The following GPC5 variants were observed in gnomAD, a reference collection of about 807,000 sequenced individuals.
The protein encoded by GPC5 is glypican 5.
GPC5 carries 47 observed loss-of-function variants against 53.9 expected under a neutral mutation model. The ratio of observed to expected loss-of-function variants is 0.87; its 90% confidence interval spans 0.69 to 1.11. GPC5 has a LOEUF of 1.11. GPC5 is among the 50% of genes most tolerant of loss of function. The probability of loss-of-function intolerance (pLI) is 0.00; values close to 1 mark genes in which losing one functional copy is unlikely to be tolerated. For synonymous variants in GPC5, 286 were observed against 263.3 expected, an observed-to-expected ratio of 1.09 and a Z score of -0.84; for missense variants, 748 against 713.1, an observed-to-expected ratio of 1.05 and a Z score of -0.56.
intron 7 of GPC5, among the ~76,000 whole-genome samples, chr13:92,839,479 ATG>A (rs943418709): frequency 4.0e-5 from 6 of 151,896 alleles, no homozygotes; most frequent in Non-Finnish European, 8.8e-5. Flanking sequence ...ACAGGCCCCA[ATG>A]TGTGTTGTTC....
At chr13:91,708,273 G>GTT (rs1018672208) in intron 3 of GPC5, among the ~76,000 whole-genome samples, 2 of 147,006 alleles carry the variant, frequency 1.4e-5, no homozygotes, top group African/African-American at 5.0e-5. Flanking sequence ...TTTTGTTTTT[G>GTT]TTTTTTTTTT....
At chr13:91,661,927 A>G (rs75902826) in intron 2 of GPC5, among the ~76,000 whole-genome samples, 6 of 152,312 alleles carry the variant, frequency 3.9e-5, no homozygotes, top group Non-Finnish European at 7.4e-5. Flanking sequence ...AGTTGTCAGC[A>G]ATGAACTGGC....
At chr13:92,405,913 TG>T (rs935391397) in intron 7 of GPC5, among the ~76,000 whole-genome samples, 1 of 152,212 alleles carries the variant, frequency 6.6e-6, no homozygotes, top group African/African-American at 2.4e-5. Context: ...TATTCTTCTG[TG>T]GTATCCTTCC....
intron 7 of GPC5, among the ~76,000 whole-genome samples, chr13:92,577,315 G>T (rs1167948590): frequency 6.6e-6 from 1 of 152,008 alleles, no homozygotes; most frequent in Non-Finnish European, 1.5e-5. Context: ...GTCCAGAGTT[G>T]GCAAGCTATT....
chr13:92,355,916 C>T (rs1016224575), intron 7 of GPC5, among the ~76,000 whole-genome samples: 25 of 143,708 alleles, frequency 1.7e-4, no homozygotes, highest in Non-Finnish European at 3.0e-4. Flanking sequence ...AATTGCTTTC[C>T]TCGTTTTCCT....
chr13:91,436,331 T>C (rs1359433942), intron 1 of GPC5, among the ~76,000 whole-genome samples: 1 of 151,934 alleles, frequency 6.6e-6, no homozygotes, highest in South Asian at 2.1e-4. Flanking sequence ...TTTAGTGCTA[T>C]AAATTTCCCT....
intron 7 of GPC5, among the ~76,000 whole-genome samples, chr13:92,368,508 G>T (rs1050584964): frequency 6.6e-6 from 1 of 151,200 alleles, no homozygotes; most frequent in Non-Finnish European, 1.5e-5. Context: ...GCCCGGCATT[G>T]TGGCAGGCAC....
chr13:92,329,026 T>C lies in GPC5; in HGVS notation c.1561+184037T>C, dbSNP rs552217324. Among the ~76,000 whole-genome samples the C allele has an allele frequency of 2.0e-5, 3 of 152,270 alleles. No homozygotes were observed. The South Asian group carries it at 6.2e-4, about 32-fold the overall frequency. On this transcript the variant is annotated intron_variant, in intron 7 of 7. Transcript: ENST00000377067. Reference sequence around the variant, plus strand: ...CTCTACTGGCTTATGCCACAAACTATGTCAGGGCTTATGACCTTAAATTTC... The same window carrying C: ...CTCTACTGGCTTATGCCACAAACTACGTCAGGGCTTATGACCTTAAATTTC...
chr13:91,806,141 T>A (rs1428750167), intron 5 of GPC5, among the ~76,000 whole-genome samples: 1 of 148,976 alleles, frequency 6.7e-6, no homozygotes, highest in Non-Finnish European at 1.5e-5. Context: ...ATTCAAGCGG[T>A]TCTCATACCT....
chr13:91,419,009 C>T (rs1226294571), intron 1 of GPC5, among the ~76,000 whole-genome samples: 1 of 151,884 alleles, frequency 6.6e-6, no homozygotes, highest in East Asian at 1.9e-4. Context: ...TTTGAATGAC[C>T]TTAATTATAT....
chr13:91,944,144 G>A (rs1357885885), intron 6 of GPC5, among the ~76,000 whole-genome samples: 1 of 151,624 alleles, frequency 6.6e-6, no homozygotes, highest in East Asian at 1.9e-4. Flanking sequence ...CGCCCAGGCT[G>A]GAGTGCAGTG....
rs1466380733 is a variant in GPC5, at chr13:92,091,764, A to G, written c.1402-53066A>G. 1.9e-3 allele frequency among the ~76,000 whole-genome samples: 208 copies of G among 108,610 alleles called. 3 individuals carry two copies. The Admixed American group carries it at 0.021, about 11-fold the overall frequency. The allele number at this position is 108,610 out of a possible 152,430, so 71.3% of individuals were successfully genotyped here. A position where few individuals can be genotyped will look rare whatever the true frequency, so the allele number is the denominator to read the frequency against. On this transcript the variant is annotated intron_variant, in intron 6 of 7. Transcript: ENST00000377067. ...TCAAGAATTTCACCCCCCCACAGTG[A>G]AAAAAAAAAAAAAAAACAATGTGAA...
intron 7 of GPC5, among the ~76,000 whole-genome samples, chr13:92,833,079 C>T (rs1878104430): frequency 6.6e-6 from 1 of 152,040 alleles, no homozygotes; most frequent in African/African-American, 2.4e-5. Context: ...GAAGTAGAGA[C>T]TACTGGAAAT....
At chr13:92,684,777 T>A (rs1021555912) in intron 7 of GPC5, among the ~76,000 whole-genome samples, 1 of 152,206 alleles carries the variant, frequency 6.6e-6, no homozygotes, top group African/African-American at 2.4e-5. Flanking sequence ...TAAGGAATCA[T>A]ATACTAAGAG....
chr13:92,569,182 G>A (rs1027321402), intron 7 of GPC5, among the ~76,000 whole-genome samples: 5 of 147,644 alleles, frequency 3.4e-5, no homozygotes, highest in African/African-American at 1.3e-4. Flanking sequence ...GCGGTGTTTG[G>A]TTTTTTGTCC....
chr13:92,287,973 C>G (rs1041820355), intron 7 of GPC5, among the ~76,000 whole-genome samples: 1 of 152,028 alleles, frequency 6.6e-6, no homozygotes, highest in African/African-American at 2.4e-5. Flanking sequence ...TCACACTGGA[C>G]AATTCCAGTT....
At chr13:92,380,527 A>T (rs530937747) in intron 7 of GPC5, among the ~76,000 whole-genome samples, 1 of 152,068 alleles carries the variant, frequency 6.6e-6, no homozygotes, top group South Asian at 2.1e-4. Context: ...AAGACTTGGA[A>T]CCAACCCAAA....
chr13:91,749,426 T>C (rs1360830714), intron 4 of GPC5, among the ~76,000 whole-genome samples: 1 of 152,246 alleles, frequency 6.6e-6, no homozygotes, highest in Non-Finnish European at 1.5e-5. Flanking sequence ...CAGTCTCCTA[T>C]TGATGGACAA....
intron 2 of GPC5, among the ~76,000 whole-genome samples, chr13:91,650,726 A>G (rs1268020663): frequency 2.9e-5 from 4 of 140,026 alleles, no homozygotes; most frequent in Non-Finnish European, 6.1e-5. Flanking sequence ...AACTGTGAAC[A>G]TCTGTGAAAC....
Sources: gnomAD v4.1 joint callset for allele counts (sites outside exome capture counted in the v4.1 genomes callset) on GRCh38, gnomAD v4.1.1 for gene constraint, MANE v1.5 for transcripts, NCBI Gene and HGNC (gene_info 2026-07-23, HGNC 2026-07-21) for gene names.